The following TICRR variants were observed in gnomAD, a reference collection of about 807,000 sequenced individuals.
TICRR encodes the protein treslin.
Under a neutral mutation model 178.1 loss-of-function variants are expected in TICRR, and 132 were observed. The ratio of observed to expected loss-of-function variants is 0.74; its 90% CI spans 0.64 to 0.86. TICRR has a LOEUF of 0.86. Ranked by LOEUF, TICRR falls within the 40% of genes least tolerant of loss-of-function variation. The pLI, the probability that TICRR is intolerant of heterozygous loss-of-function variation, is 0.00. For synonymous variants in TICRR, 991 were observed against 900.7 expected (o/e 1.10, Z -1.79); for missense variants, 2,587 against 2,334.3 (o/e 1.11, Z -2.23).
intron 15 of TICRR, 124 bp downstream of exon 15, chr15:89,609,073 A>T: frequency 5.6e-6 from 3 of 538,868 alleles, no homozygotes; most frequent in Non-Finnish European, 5.8e-6. Flanking sequence ...CCTTCAGTCT[A>T]GCTAAAGGTT....
At chr15:89,576,443 A>T (rs1479212285) in intron 1 of TICRR, among the ~76,000 whole-genome samples, 3 of 151,958 alleles carry the variant, frequency 2.0e-5, no homozygotes, top group Non-Finnish European at 4.4e-5. Flanking sequence ...GACCCCTCAC[A>T]ATTTGGGCCC....
intron 5 of TICRR, among the ~76,000 whole-genome samples, chr15:89,593,910 T>C (rs1221950037): frequency 6.6e-6 from 1 of 152,214 alleles, no homozygotes; most frequent in African/African-American, 2.4e-5. Flanking sequence ...ATGACAGATA[T>C]TTAGCTCTAG....
At chr15:89,609,156 G>A (rs1963219945) in intron 15 of TICRR, among the ~76,000 whole-genome samples, 1 of 119,504 alleles carries the variant, frequency 8.4e-6, no homozygotes, top group South Asian at 2.8e-4. Flanking sequence ...TATCACCCAG[G>A]TTGGAGTGCA....
chr15:89,603,618 TAAC>T (rs922629972), intron 13 of TICRR, among the ~76,000 whole-genome samples: 1 of 152,184 alleles, frequency 6.6e-6, no homozygotes, highest in African/African-American at 2.4e-5. Context: ...AATGAATGAA[TAAC>T]AAGTTTTTTG....
chr15:89,623,984 G>A lies in TICRR; in HGVS notation c.3674G>A (p.Cys1225Tyr). The A allele has an allele frequency of 1.2e-6, 2 of 1,613,904 alleles. No individual in the cohort carries two copies. The highest frequency in any genetic ancestry group is 1.1e-5 in the South Asian group (1 of 91,072). The change falls in exon 20 of 22, where the codon TGT becomes TAT. Residue 1225 changes from cysteine to tyrosine, a missense_variant. Cys to Tyr is a radical substitution (Grantham distance 194). Coordinates refer to ENST00000268138, the MANE Select transcript of TICRR (RefSeq NM_152259.4). ...SVNSSPESPS[C>Y]PAPPTSSTAQ... The stretch of plus-strand genomic sequence containing the variant: ...AATTCCAGTCCAGAAAGCCCCTCCT[G>A]TCCAGCCCCTCCAACTTCATCGACT...
At chr15:89,617,678 C>T (rs948835857) in intron 16 of TICRR, among the ~76,000 whole-genome samples, 2 of 147,876 alleles carry the variant, frequency 1.4e-5, no homozygotes, top group Non-Finnish European at 3.0e-5. Flanking sequence ...TGTGCCACTG[C>T]ACCCAGCTAT....
chr15:89,597,652 A>T (rs926233194), intron 7 of TICRR, among the ~76,000 whole-genome samples: 2 of 152,184 alleles, frequency 1.3e-5, no homozygotes, highest in Non-Finnish European at 2.9e-5. Context: ...GCTTTATAGT[A>T]AGTCCTGAAG....
rs111907494 is a variant in TICRR at position 89,585,931 on chromosome 15, C to T, written c.1400C>T (p.Thr467Ile). ...LNQTHDSLAD[T>I]ASAASPVPEW... The stretch of plus-strand genomic sequence containing the variant: ...CAGACTCATGATTCGCTTGCAGATA[C>T]TGCTTCTGCTGGTAAGCTCCTAAAC... Residue 467 changes from threonine to isoleucine, a missense_variant, in exon 4 of 22, where the codon ACT becomes ATT. Thr to Ile is a moderately conservative substitution (Grantham distance 89). Transcript: ENST00000268138. The T allele has an allele frequency of 1.2e-5, 19 of 1,613,630 alleles. No individual in the cohort carries two copies. The African/African-American group carries it at 1.9e-4, about 16-fold the overall frequency.
At chr15:89,619,190 T>C (rs1157725811) in intron 17 of TICRR, among the ~76,000 whole-genome samples, 1 of 150,674 alleles carries the variant, frequency 6.6e-6, no homozygotes, top group Non-Finnish European at 1.5e-5. Flanking sequence ...AAACCTAACA[T>C]AAATACTTGT....
At position 89,624,920 on chromosome 15, in the gene TICRR, C is replaced by T. The variant is rs149164041; in HGVS notation, c.4610C>T (p.Ser1537Leu). The change falls in exon 20 of 22, where the codon TCG becomes TTG. Residue 1537 changes from serine to leucine, a missense_variant. Transcript: ENST00000268138. ...CTTDGRQCQASAQLDNLPASA... is the reference protein window; with the variant it reads ...CTTDGRQCQALAQLDNLPASA... ...ACAGATGGGAGACAGTGCCAGGCTT[C>T]GGCACAACTAGACAACCTGCCAGCA... 43 of 1,613,926 alleles carry T rather than the reference C, an allele frequency of 2.7e-5. No individual in the cohort carries two copies. Among genetic ancestry groups the T allele is most frequent in the Middle Eastern group, 1.6e-4 (1 of 6,084 alleles).
intron 4 of TICRR, among the ~76,000 whole-genome samples, chr15:89,586,310 A>T (rs1025788813): frequency 5.9e-5 from 9 of 152,156 alleles, no homozygotes; most frequent in Non-Finnish European, 1.2e-4. Context: ...GTATCATGTT[A>T]GTATTACAAA....
rs1962924023 is a variant in TICRR at position 89,592,140 on chromosome 15, T to G, written c.1505T>G (p.Ile502Ser). The G allele has an allele frequency of 6.2e-7, 1 of 1,613,052 alleles. No homozygotes were observed. The highest frequency in any genetic ancestry group is 8.5e-7 in the Non-Finnish European group (1 of 1,179,042). Residue 502 changes from isoleucine to serine, a missense_variant, in exon 5 of 22, where the codon ATC becomes AGC. Ile to Ser is a moderately radical substitution (Grantham distance 142, BLOSUM62 -2). Transcript: ENST00000268138. ...VVEKWFPFCNISGASSDLMES... is the reference protein window; with the variant it reads ...VVEKWFPFCNSSGASSDLMES... ...GAAAAGTGGTTTCCTTTCTGTAACA[T>G]CAGTGGTGCCAGTTCCGATTTGATG... is the stretch of plus-strand genomic sequence containing the variant.
chr15:89,576,821 GTATATATATATA>G (rs369518649), intron 1 of TICRR, among the ~76,000 whole-genome samples: 4,802 of 92,436 alleles, frequency 0.052, 323 homozygotes, highest in African/African-American at 0.17. Flanking sequence ...ATGTGTGTGT[GTATATATATATA>G]TATATATATA....
At chr15:89,615,061 A>G (rs1449422652) in intron 15 of TICRR, among the ~76,000 whole-genome samples, 3 of 152,214 alleles carry the variant, frequency 2.0e-5, no homozygotes, top group African/African-American at 4.8e-5. Context: ...AGAGATTTGC[A>G]AAGTCCCCTG....
chr15:89,616,332 C>T, intron 15 of TICRR, 73 bp from the exon 16 acceptor site: 2 of 1,293,138 alleles, frequency 1.5e-6, no homozygotes, highest in South Asian at 2.5e-5. Context: ...GTTCAAACTG[C>T]TCCCTTGGCC....
rs534971807 is a variant in TICRR at position 89,624,570 on chromosome 15, T to C, written c.4260T>C (p.Ser1420=). 2.2e-5 allele frequency: 35 copies of C among 1,613,850 alleles called. 1 individual carries two copies. In the South Asian group the frequency reaches 3.2e-4, roughly 15 times the overall value. ...TADSPAAPTD[S]RDDQKGLSLS... is the part of the protein sequence containing the mutation. ...ACAGCCCAGCTGCCCCCACAGACTC[T>C]AGAGATGACCAGAAGGGACTGAGCC... The change falls in exon 20 of 22, where the codon TCT becomes TCC. Residue 1420 remains serine (S), a synonymous_variant. Transcript: ENST00000268138.
chr15:89,624,278 G>C lies in TICRR; in HGVS notation c.3968G>C (p.Ser1323Thr), dbSNP rs140999151. 6.3e-5 allele frequency: 102 copies of C among 1,614,154 alleles called. No individual in the cohort carries two copies. In the African/African-American group the frequency reaches 1.1e-3, roughly 18 times the overall value. ...CCTTTATGTGATGTCTCCAAGAAGA[G>C]TCCATTTAGGAAATCTAAAATAGAG... Reference protein sequence around the residue: ...TSPLCDVSKKSPFRKSKIECP... With the variant: ...TSPLCDVSKKTPFRKSKIECP... The change falls in exon 20 of 22, where the codon AGT becomes ACT. Residue 1323 changes from serine (S) to threonine (T), a missense_variant. Ser to Thr is a moderately conservative substitution (Grantham distance 58). Coordinates refer to ENST00000268138, the MANE Select transcript of TICRR (RefSeq NM_152259.4).
At chr15:89,588,685 G>A (rs1193497953) in intron 4 of TICRR, among the ~76,000 whole-genome samples, 3 of 152,162 alleles carry the variant, frequency 2.0e-5, no homozygotes, top group Admixed American at 2.0e-4. Context: ...TGGGGCACCA[G>A]AGGTGAGGAA....
intron 15 of TICRR, among the ~76,000 whole-genome samples, chr15:89,610,523 C>A (rs947883569): frequency 6.6e-6 from 1 of 152,160 alleles, no homozygotes; most frequent in Admixed American, 6.5e-5. Context: ...TACAGCTCCC[C>A]ACCCACCAGC....
Sources: gnomAD v4.1 joint callset for allele counts (sites outside exome capture counted in the v4.1 genomes callset) on GRCh38, gnomAD v4.1.1 for gene constraint, MANE v1.5 for transcripts, NCBI Gene and HGNC (gene_info 2026-07-23, HGNC 2026-07-21) for gene names.